Variants in TDO2 observed in about 807,000 individuals in gnomAD.
TDO2 encodes tryptamin 2,3-dioxygenase.
TDO2 carries 63 observed loss-of-function variants against 61.2 expected under a neutral mutation model. The observed-to-expected ratio is 1.03, with a 90% CI of 0.84 to 1.27. The LOEUF (loss-of-function observed/expected upper bound fraction) is 1.27, where lower values mean the gene tolerates loss of function less well. Among genes scored for constraint, TDO2 ranks in the 50% most tolerant of loss-of-function variants. TDO2 has a pLI of 0.00. For missense variants in TDO2, 494 were observed against 469.5 expected, an observed-to-expected ratio of 1.05 and a Z score of -0.48; for synonymous variants, 183 against 164.0, an observed-to-expected ratio of 1.12 and a Z score of -0.89.
chr4:155,910,184 G>C lies in TDO2; in HGVS notation c.591G>C (p.Gln197His), dbSNP rs759094500. Residue 197 changes from glutamine (Q) to histidine (H), a missense_variant, in exon 6 of 12, where the codon CAG (glutamine) becomes CAC (histidine). By Grantham distance (24) the Gln-to-His change is conservative (BLOSUM62 0). Coordinates refer to ENST00000536354, the MANE Select transcript of TDO2 (RefSeq NM_005651.4). ...EENELLLKSE[Q>H]EKTLLELVEA... The stretch of plus-strand genomic sequence containing the variant: ...ATGAACTGCTACTTAAATCTGAGCA[G>C]GAAAAGACACTTCTGGAATTAGTGG... The C allele has an allele frequency of 6.3e-7, 1 of 1,583,496 alleles. No individual in the cohort carries two copies. The highest frequency in any genetic ancestry group is 2.4e-5 in the East Asian group (1 of 40,882).
Position 155,920,050 on chromosome 4 carries a change from G to A in TDO2, c.*60G>A. 1 of 1,515,726 alleles carries A rather than the reference G, an allele frequency of 6.6e-7. No individual in the cohort carries two copies. The highest frequency in any genetic ancestry group is 9.1e-7 in the Non-Finnish European group (1 of 1,100,152). The allele number at this position is 1,515,726 out of a possible 1,614,324, so 93.9% of individuals were successfully genotyped here. On this transcript the variant is annotated 3_prime_UTR_variant, in exon 12 of 12. Transcript: ENST00000536354. ...CACAGCCTATTTTTTATTTTCTATG[G>A]ATTTTCATAAATACAGTTTGAATAT...
chr4:155,909,818 GCTCTT>G (rs1052755266), intron 5 of TDO2, among the ~76,000 whole-genome samples: 4 of 139,886 alleles, frequency 2.9e-5, no homozygotes, highest in African/African-American at 1.1e-4. Context: ...GATAATGTCA[GCTCTT>G]CTCTTCTCTC....
intron 3 of TDO2, chr4:155,905,387 G>C: frequency 2.5e-6 from 1 of 398,904 alleles, no homozygotes. Context: ...CTTTAGCTTT[G>C]TTCTTAACTC....
intron 1 of TDO2, 39 bp downstream of exon 1, chr4:155,903,832 T>C (rs2110859827): frequency 6.2e-7 from 1 of 1,610,922 alleles, no homozygotes; most frequent in African/African-American, 1.3e-5. Context: ...TTTTGGCTTT[T>C]AGAAGTATCA....
rs762554335 is a variant in TDO2, at chr4:155,908,996, T to A, written c.413T>A (p.Leu138Ter). Residue 138 changes from leucine to a stop codon, truncating the protein, a stop_gained, in exon 5 of 12, where the codon TTG (leucine) becomes TAG (stop). Transcript: ENST00000536354. LOFTEE classifies it high-confidence loss of function. Reference protein sequence around the residue: ...QFSILETMTALDFNDFREYLS... With the variant: ...QFSILETMTA ...TCCATTCTGGAGACGATGACAGCCT[T>A]GGACTTCAATGACTTCAGGTGTGCA... is the stretch of plus-strand genomic sequence containing the variant. 6.2e-7 allele frequency: 1 copy of A among 1,611,582 alleles called. No homozygotes were observed. The highest frequency in any genetic ancestry group is 8.5e-7 in the Non-Finnish European group (1 of 1,179,358).
chr4:155,904,183 G>C, intron 2 of TDO2, 60 bp downstream of exon 2: 1 of 1,242,958 alleles, frequency 8.0e-7, no homozygotes, highest in Non-Finnish European at 1.2e-6. Flanking sequence ...ATTCTGCCAA[G>C]TGACTTTTTA....
At position 155,913,601 on chromosome 4, in the gene TDO2, G is replaced by A. The variant is rs189637816; in HGVS notation, c.727-722G>A. On this transcript the variant is annotated intron_variant, in intron 7 of 11. Transcript: ENST00000536354. ...CCAGATAATTCCTGTATAATATCAC[G>A]ACTCTCAATTTTTGCACACAATTTT... Among the ~76,000 whole-genome samples, 670 of 152,000 alleles carry A rather than the reference G, an allele frequency of 4.4e-3. 14 individuals carry two copies. Among genetic ancestry groups the A allele is most frequent in the Admixed American group, 0.033 (508 of 15,264 alleles).
chr4:155,918,319 A>G (rs1742981771), intron 11 of TDO2, 80 bp downstream of exon 11: 3 of 1,349,874 alleles, frequency 2.2e-6, no homozygotes, highest in Admixed American at 1.8e-5. Context: ...GCTATCTAAA[A>G]AAAGCCATTT....
In TDO2 at chr4:155,907,778, T is replaced by G; in HGVS notation, c.289T>G (p.Phe97Val). ...GGAGTTGGATTCTGTTCGAGAGATC[T>G]TTCAGAATGGCCATGTAAGTTCTTA... ...LWELDSVREI[F>V]QNGHVRDERN... Residue 97 changes from phenylalanine to valine, a missense_variant, in exon 4 of 12, where the codon TTT (phenylalanine) becomes GTT (valine). By Grantham distance (50) the Phe-to-Val change is conservative. Transcript: ENST00000536354. The G allele has an allele frequency of 6.2e-7, 1 of 1,613,118 alleles. No homozygotes were observed. Among genetic ancestry groups the G allele is most frequent in the Non-Finnish European group, 8.5e-7 (1 of 1,179,344 alleles).
chr4:155,908,929 C>T lies in TDO2; in HGVS notation c.346C>T (p.His116Tyr), dbSNP rs1360155141. Residue 116 changes from histidine to tyrosine, a missense_variant, in exon 5 of 12, where the codon CAC (histidine) becomes TAC (tyrosine). Coordinates refer to ENST00000536354, the MANE Select transcript of TDO2 (RefSeq NM_005651.4). ...CATGCTTAAGGTTGTTTCTCGGATG[C>T]ACCGAGTGTCAGTGATCCTGAAACT... ...RNMLKVVSRM[H>Y]RVSVILKLLV... The T allele has an allele frequency of 3.7e-6, 6 of 1,612,728 alleles. No individual in the cohort carries two copies. The highest frequency in any genetic ancestry group is 3.3e-5 in the Admixed American group (2 of 59,778).
rs568035411 is a variant in TDO2, at chr4:155,918,435, T to C, written c.1067+196T>C. On this transcript the variant is annotated intron_variant, in intron 11 of 11. Coordinates refer to ENST00000536354, the MANE Select transcript of TDO2 (RefSeq NM_005651.4). ...AATCTTTAATTATGAACTTTCACTG[T>C]TTTGATCCTGTATGAAAAGGGATAT... is the stretch of plus-strand genomic sequence containing the variant. Among the ~76,000 whole-genome samples the C allele has an allele frequency of 1.4e-4, 22 of 152,370 alleles. 1 individual carries two copies. The highest frequency in any genetic ancestry group is 1.9e-4 in the East Asian group (1 of 5,182).
chr4:155,915,339 A>G (rs940170617), intron 8 of TDO2, among the ~76,000 whole-genome samples: 68 of 152,232 alleles, frequency 4.5e-4, no homozygotes, highest in Non-Finnish European at 1.0e-4. Flanking sequence ...TTTCTAAAAA[A>G]AACAAATCTC....
At chr4:155,918,279 C>T (rs1475086510) in intron 11 of TDO2, 40 bp downstream of exon 11, 2 of 1,595,724 alleles carry the variant, frequency 1.3e-6, no homozygotes, top group Non-Finnish European at 1.7e-6. Flanking sequence ...GTGGCAGTCA[C>T]CAACAATTTG....
In TDO2 at chr4:155,919,817, C is replaced by G. The variant is rs748943752; in HGVS notation, c.1068-20C>G. 2 of 1,581,128 alleles carry G rather than the reference C, an allele frequency of 1.3e-6. No individual in the cohort carries two copies. The highest frequency in any genetic ancestry group is 1.4e-5 in the African/African-American group (1 of 73,590). On this transcript the variant is annotated intron_variant, in intron 11 of 11. Transcript: ENST00000536354. Reference sequence around the variant, plus strand: ...TTTCATGTCAACCAATGTAACACATCTTCATGTATGTTTTTCCAGTGATAG... The same window carrying G: ...TTTCATGTCAACCAATGTAACACATGTTCATGTATGTTTTTCCAGTGATAG...
At chr4:155,910,274 A>T in intron 6 of TDO2, 63 bp downstream of exon 6, 1 of 1,351,616 alleles carries the variant, frequency 7.4e-7, no homozygotes, top group South Asian at 1.5e-5. Context: ...GCTTTTGCTA[A>T]ATCAGAATTT....
At position 155,917,557 on chromosome 4, in the gene TDO2, G is replaced by T; in HGVS notation, c.976+83G>T. On this transcript the variant is annotated intron_variant, in intron 10 of 11. Coordinates refer to ENST00000536354, the MANE Select transcript of TDO2 (RefSeq NM_005651.4). ...ATCTTGGTCTTCTGTGTGCCCTCCTGCCCACTTTCTCTCTTTCCCCCTCCT... is the reference window on the plus strand; with the variant it reads ...ATCTTGGTCTTCTGTGTGCCCTCCTTCCCACTTTCTCTCTTTCCCCCTCCT... 3.5e-6 allele frequency: 4 copies of T among 1,128,340 alleles called. No homozygotes were observed. The South Asian group carries it at 6.3e-5, about 18-fold the overall frequency. The allele number at this position is 1,128,340 out of a possible 1,614,324, so 69.9% of individuals were successfully genotyped here.
At chr4:155,911,985 C>T (rs927602683) in intron 7 of TDO2, among the ~76,000 whole-genome samples, 1 of 152,154 alleles carries the variant, frequency 6.6e-6, no homozygotes, top group African/African-American at 2.4e-5. Context: ...TGCTTTCTGG[C>T]AGCTCTCAGA....
At chr4:155,910,779 A>T (rs1742815285) in intron 6 of TDO2, among the ~76,000 whole-genome samples, 1 of 152,054 alleles carries the variant, frequency 6.6e-6, no homozygotes, top group South Asian at 2.1e-4. Context: ...TCTGCAAATT[A>T]ACTTTTCTTG....
chr4:155,916,862 G>T (rs1742948305), intron 9 of TDO2, among the ~76,000 whole-genome samples: 3 of 151,944 alleles, frequency 2.0e-5, no homozygotes. Flanking sequence ...AAAATCTTTT[G>T]ACTTTTTTCC....
Sources: allele counts gnomAD v4.1 joint callset (sites outside exome capture counted in the v4.1 genomes callset), GRCh38; gene constraint gnomAD v4.1.1; transcripts MANE v1.5; gene names NCBI Gene and HGNC (gene_info 2026-07-23, HGNC 2026-07-21).